RPS6KC1: variants seen among roughly 807,000 people sequenced by gnomAD.
RPS6KC1 encodes the protein inactive ribosomal protein S6 kinase delta-1.
Under a neutral mutation model 103.8 loss-of-function variants are expected in RPS6KC1, and 54 were observed. The ratio of observed to expected loss-of-function variants is 0.52; its 90% CI spans 0.42 to 0.65. The LOEUF is 0.65. RPS6KC1 is among the 30% of genes least tolerant of loss of function. The pLI is 0.00. For missense variants in RPS6KC1, 1,151 were observed against 1,253.8 expected, an observed-to-expected ratio of 0.92 and a Z score of 1.24; for synonymous variants, 439 against 438.7, an observed-to-expected ratio of 1.00 and a Z score of -0.01.
At chr1:213,748,395 A>G in the RPS6KC1 span, among the ~76,000 whole-genome samples, 1 of 152,212 alleles carries the variant, frequency 6.6e-6, no homozygotes, top group African/African-American at 2.4e-5. Context: ...GGTCTACTGG[A>G]CATTATCAAA....
the RPS6KC1 span, among the ~76,000 whole-genome samples, chr1:213,434,217 C>T: frequency 6.6e-6 from 1 of 151,882 alleles, no homozygotes; most frequent in Admixed American, 6.5e-5. Flanking sequence ...TAAAGGACGT[C>T]CTTTAACATT....
the RPS6KC1 span, among the ~76,000 whole-genome samples, chr1:213,782,852 A>T: frequency 6.6e-6 from 1 of 152,208 alleles, no homozygotes; most frequent in Admixed American, 6.5e-5. Flanking sequence ...CCACTGGTCT[A>T]AACTTGCAGC....
rs1310947003 is a variant in RPS6KC1 at position 213,077,799 on chromosome 1, C to T, written c.245C>T (p.Ala82Val). 6.4e-7 allele frequency: 1 copy of T among 1,555,530 alleles called. No homozygotes were observed. The highest frequency in any genetic ancestry group is 1.2e-5 in the South Asian group (1 of 80,316). Residue 82 changes from alanine (A) to valine (V), a missense_variant, in exon 3 of 15, where the codon GCT becomes GTT. By Grantham distance (64) the Ala-to-Val change is moderately conservative. Transcript: ENST00000366960. ...FRHSELFPPF[A>V]KGIVFGRFDE... ...CATTCAGAGTTGTTTCCTCCATTTG[C>T]TAAAGGAATAGTGTTTGGTAAGTGA...
chr1:213,313,485 A>G, the RPS6KC1 span, among the ~76,000 whole-genome samples: 1 of 152,028 alleles, frequency 6.6e-6, no homozygotes, highest in Non-Finnish European at 1.5e-5. Flanking sequence ...CATTGTTTAT[A>G]TCCCTTTTTT....
At chr1:213,479,148 G>A in the RPS6KC1 span, among the ~76,000 whole-genome samples, 3 of 151,848 alleles carry the variant, frequency 2.0e-5, no homozygotes, top group East Asian at 3.9e-4. Flanking sequence ...ACTCCCTTAT[G>A]TTGGGCATGT....
the RPS6KC1 span, among the ~76,000 whole-genome samples, chr1:213,425,755 G>T: frequency 6.6e-6 from 1 of 152,100 alleles, no homozygotes; most frequent in African/African-American, 2.4e-5. Flanking sequence ...ACCTTCCCCC[G>T]CCTGAATGTG....
At chr1:213,685,476 C>G in the RPS6KC1 span, among the ~76,000 whole-genome samples, 1 of 151,892 alleles carries the variant, frequency 6.6e-6, no homozygotes, top group African/African-American at 2.4e-5. Context: ...ACTAAAAATA[C>G]AAAATTAGCC....
chr1:213,229,889 C>T (rs1373350222), intron 8 of RPS6KC1, among the ~76,000 whole-genome samples: 1 of 152,276 alleles, frequency 6.6e-6, no homozygotes, highest in South Asian at 2.1e-4. Flanking sequence ...TCAGTTGGAA[C>T]ACTGTAGTTA....
chr1:213,851,880 C>T, the RPS6KC1 span, among the ~76,000 whole-genome samples: 3 of 152,186 alleles, frequency 2.0e-5, no homozygotes, highest in Non-Finnish European at 4.4e-5. Flanking sequence ...AGCCTGTCTT[C>T]GCTCCTTGAG....
At chr1:213,848,216 A>C in the RPS6KC1 span, among the ~76,000 whole-genome samples, 15,051 of 152,184 alleles carry the variant, frequency 0.099, 2,480 homozygotes, top group African/African-American at 0.34. Context: ...AAACATATAT[A>C]TTTGTGAAAT....
the RPS6KC1 span, among the ~76,000 whole-genome samples, chr1:213,828,250 C>T: frequency 3.3e-5 from 5 of 152,184 alleles, no homozygotes; most frequent in South Asian, 4.1e-4. Context: ...GAGCAGACCC[C>T]GCATACTCAC....
At chr1:213,252,290 T>C (rs1166535717) in intron 12 of RPS6KC1, among the ~76,000 whole-genome samples, 1 of 152,210 alleles carries the variant, frequency 6.6e-6, no homozygotes, top group Non-Finnish European at 1.5e-5. Context: ...TTCTGTGCCC[T>C]AGCTGACATG....
At chr1:213,442,292 T>C in the RPS6KC1 span, among the ~76,000 whole-genome samples, 1 of 152,206 alleles carries the variant, frequency 6.6e-6, no homozygotes, top group Admixed American at 6.5e-5. Flanking sequence ...GCAGGGACTT[T>C]GTCCTATTCA....
intron 8 of RPS6KC1, among the ~76,000 whole-genome samples, chr1:213,196,818 C>A (rs548680018): frequency 6.6e-6 from 1 of 151,958 alleles, no homozygotes; most frequent in East Asian, 1.9e-4. Context: ...TTCTAAGTTC[C>A]ATTGGTCTAC....
the RPS6KC1 span, among the ~76,000 whole-genome samples, chr1:213,668,002 G>A: frequency 0.75 from 113,585 of 152,098 alleles, 43,008 homozygotes; most frequent in East Asian, 0.91. Flanking sequence ...CTACATCTGC[G>A]TTGACTTTGT....
At chr1:213,347,154 T>G in the RPS6KC1 span, among the ~76,000 whole-genome samples, 1 of 152,050 alleles carries the variant, frequency 6.6e-6, no homozygotes, top group Non-Finnish European at 1.5e-5. Flanking sequence ...CCAGAATAAA[T>G]TAGTAAATAT....
At chr1:213,451,560 G>A in the RPS6KC1 span, among the ~76,000 whole-genome samples, 1 of 152,330 alleles carries the variant, frequency 6.6e-6, no homozygotes, top group Non-Finnish European at 1.5e-5. Flanking sequence ...TGGGTGTGGG[G>A]GAGGTCGCGT....
chr1:213,200,416 A>G (rs1344488073), intron 8 of RPS6KC1, among the ~76,000 whole-genome samples: 4 of 152,216 alleles, frequency 2.6e-5, no homozygotes, highest in African/African-American at 9.6e-5. Context: ...TGGTGCTGGG[A>G]TAACTGGCTA....
chr1:213,645,026 A>G, the RPS6KC1 span, among the ~76,000 whole-genome samples: 1 of 152,112 alleles, frequency 6.6e-6, no homozygotes, highest in African/African-American at 2.4e-5. Context: ...CTGCCAACGA[A>G]GGTAAGAAAA....
Sources: gnomAD v4.1 joint callset for allele counts (sites outside exome capture counted in the v4.1 genomes callset) on GRCh38, gnomAD v4.1.1 for gene constraint, MANE v1.5 for transcripts, NCBI Gene and HGNC (gene_info 2026-07-23, HGNC 2026-07-21) for gene names.